Variants in TRPM2 observed in about 807,000 individuals in gnomAD.
TRPM2 encodes transient receptor potential cation channel subfamily M member 2.
Under a neutral mutation model 174.0 loss-of-function variants are expected in TRPM2, and 161 were observed. The ratio of observed to expected loss-of-function variants is 0.93; its 90% confidence interval spans 0.81 to 1.05. The LOEUF (loss-of-function observed/expected upper bound fraction) is 1.05, where lower values mean the gene tolerates loss of function less well. TRPM2 is among the 50% of genes least tolerant of loss of function. The pLI, the probability that TRPM2 is intolerant of heterozygous loss-of-function variation, is 0.00. For missense variants in TRPM2, 2,057 were observed against 2,038.0 expected (o/e 1.01, Z -0.18); for synonymous variants, 954 against 861.3 (o/e 1.11, Z -1.88).
intron 8 of TRPM2, among the ~76,000 whole-genome samples, chr21:44,381,039 T>C (rs555062312): frequency 5.6e-4 from 82 of 147,746 alleles, no homozygotes; most frequent in Non-Finnish European, 1.1e-3. Context: ...GAGGGTGGAG[T>C]TCGCCAGGGA....
chr21:44,368,933 C>CTGGG (rs376640060), intron 4 of TRPM2, among the ~76,000 whole-genome samples: 250 of 152,326 alleles, frequency 1.6e-3, no homozygotes, highest in African/African-American at 5.8e-3. Flanking sequence ...GATCCTGAGA[C>CTGGG]TGGGGCCTGA....
intron 8 of TRPM2, 113 bp from the exon 9 acceptor site, chr21:44,382,605 C>T (rs1034678761): frequency 2.5e-5 from 24 of 948,806 alleles, no homozygotes; most frequent in Non-Finnish European, 3.6e-5. Context: ...TGGCCACAAG[C>T]GCAGGCAGGA....
At chr21:44,355,277 GTC>G (rs45601835) in intron 2 of TRPM2, among the ~76,000 whole-genome samples, 1 of 151,834 alleles carries the variant, frequency 6.6e-6, no homozygotes, top group Admixed American at 6.6e-5. Context: ...CATGGCCACT[GTC>G]TCTGAGTGGC....
chr21:44,396,892 C>G (rs184938165), intron 12 of TRPM2, among the ~76,000 whole-genome samples: 196 of 11,686 alleles, frequency 0.017, no homozygotes, highest in Middle Eastern at 0.029. Flanking sequence ...GTGTGGAGGG[C>G]TGTGGAGGGG....
intron 3 of TRPM2, among the ~76,000 whole-genome samples, chr21:44,364,681 A>G (rs2048308014): frequency 6.7e-6 from 1 of 150,244 alleles, no homozygotes; most frequent in Non-Finnish European, 1.5e-5. Flanking sequence ...GTGGGGAGGG[A>G]GGGAAAAGCT....
At position 44,439,097 on chromosome 21, in the gene TRPM2, C is replaced by T. The variant is rs1447933639; in HGVS notation, c.4198C>T (p.Arg1400Trp). Residue 1400 changes from arginine to tryptophan, a missense_variant, in exon 30 of 32, where the codon CGG becomes TGG. Arg to Trp is a moderately radical substitution (Grantham distance 101). Transcript: ENST00000397928. This position sits in a 1 kb window ranked among gnomAD's most constrained non-coding sequence, Gnocchi z 5.1. ...GSREPGEMLPRKLKRILRQEH... is the reference protein window; with the variant it reads ...GSREPGEMLPWKLKRILRQEH... The stretch of plus-strand genomic sequence containing the variant: ...CCGGGAGCCAGGGGAGATGCTACCT[C>T]GGAAGCTGAAGCGGATCCTCCGGCA... 21 of 1,613,446 alleles carry T rather than the reference C, an allele frequency of 1.3e-5. No homozygotes were observed. Among genetic ancestry groups the T allele is most frequent in the East Asian group, 4.5e-5 (2 of 44,866 alleles).
In TRPM2 at chr21:44,367,112, G is replaced by A. The variant is rs942962419; in HGVS notation, c.604+178G>A. On this transcript the variant is annotated intron_variant, in intron 4 of 31. Transcript: ENST00000397928. This position sits in a 1 kb window ranked among gnomAD's most constrained non-coding sequence, Gnocchi z 4.6. Reference sequence around the variant, plus strand: ...TGGGCACAGCTGCTCCCTGACGCCCGATGCTCCCACTGGCTTGCCTGTGGG... The same window carrying A: ...TGGGCACAGCTGCTCCCTGACGCCCAATGCTCCCACTGGCTTGCCTGTGGG... Among the ~76,000 whole-genome samples the A allele has an allele frequency of 2.0e-5, 3 of 152,152 alleles. No homozygotes were observed. The highest frequency in any genetic ancestry group is 2.9e-5 in the Non-Finnish European group (2 of 68,034).
In TRPM2 at chr21:44,379,041, G is replaced by A. The variant is rs140801878; in HGVS notation, c.1059G>A (p.Val353=). The part of the protein sequence containing the change: ...ATTNGTPCVV[V]EGSGRVADVI... Reference sequence around the variant, plus strand: ...CCAACGGCACCCCCTGTGTGGTTGTGGAGGGCTCGGGCCGCGTGGCCGACG... The same window carrying A: ...CCAACGGCACCCCCTGTGTGGTTGTAGAGGGCTCGGGCCGCGTGGCCGACG... The change falls in exon 8 of 32, where the codon GTG becomes GTA. Residue 353 remains valine, a synonymous_variant. Coordinates refer to ENST00000397928, the MANE Select transcript of TRPM2 (RefSeq NM_003307.4). 3.7e-6 allele frequency: 6 copies of A among 1,610,258 alleles called. No individual in the cohort carries two copies. Among genetic ancestry groups the A allele is most frequent in the Non-Finnish European group, 5.1e-6 (6 of 1,180,012 alleles).
chr21:44,361,398 C>A (rs1057175628), intron 2 of TRPM2, among the ~76,000 whole-genome samples: 7 of 152,328 alleles, frequency 4.6e-5, no homozygotes, highest in Admixed American at 2.6e-4. Flanking sequence ...CAGGTGTGAG[C>A]TACCACACTC....
chr21:44,353,644 A>G lies in TRPM2; in HGVS notation c.-57A>G. ...CTAGAACCCCAGTGTAGCGAGCTGG[A>G]GAGAGGACTGTCCTGAGGGCAGCAG... On this transcript the variant is annotated 5_prime_UTR_variant, in exon 1 of 32. Coordinates refer to ENST00000397928, the MANE Select transcript of TRPM2 (RefSeq NM_003307.4). The G allele has an allele frequency of 1.4e-6, 2 of 1,405,292 alleles. No individual in the cohort carries two copies. Among genetic ancestry groups the G allele is most frequent in the Non-Finnish European group, 1.9e-6 (2 of 1,080,142 alleles). The allele number at this position is 1,405,292 out of a possible 1,614,324, so 87.1% of individuals were successfully genotyped here.
chr21:44,377,647 T>C, intron 6 of TRPM2, 65 bp from the exon 7 acceptor site: 1 of 1,599,362 alleles, frequency 6.3e-7, no homozygotes, highest in South Asian at 1.1e-5. Context: ...TGTTCAGGTG[T>C]GGCCCTCACT....
In TRPM2 at chr21:44,377,770, G is replaced by A; in HGVS notation, c.1011G>A (p.Leu337=). The change falls in exon 7 of 32, where the codon TTG becomes TTA. Residue 337 remains leucine, a synonymous_variant. Coordinates refer to ENST00000397928, the MANE Select transcript of TRPM2 (RefSeq NM_003307.4). ...TGCTGGAGGGCGGCCCGGGCACGTTGCACGTGAGTATGGCCAGGTGGGAGG... is the reference window on the plus strand; with the variant it reads ...TGCTGGAGGGCGGCCCGGGCACGTTACACGTGAGTATGGCCAGGTGGGAGG... ...CVVLEGGPGT[L]HTIDNATTNG... The A allele has an allele frequency of 6.2e-7, 1 of 1,614,140 alleles. No homozygotes were observed. The highest frequency in any genetic ancestry group is 8.5e-7 in the Non-Finnish European group (1 of 1,180,024).
At chr21:44,419,418 G>T (rs1362237219) in intron 22 of TRPM2, among the ~76,000 whole-genome samples, 1 of 151,896 alleles carries the variant, frequency 6.6e-6, no homozygotes, top group Non-Finnish European at 1.5e-5. Flanking sequence ...GAATACAGTG[G>T]GGTCCTGACT....
In TRPM2 at chr21:44,441,894, C is replaced by A; in HGVS notation, c.*77C>A. ...CAGGGCTTCTCTCTCCTGAGCCTGG[C>A]CAGGACTCAGGCTGTTCCTGGGCCC... is the stretch of plus-strand genomic sequence containing the variant. On this transcript the variant is annotated 3_prime_UTR_variant, in exon 32 of 32. Coordinates refer to ENST00000397928, the MANE Select transcript of TRPM2 (RefSeq NM_003307.4). 6.0e-6 allele frequency: 9 copies of A among 1,497,026 alleles called. No individual in the cohort carries two copies. Among genetic ancestry groups the A allele is most frequent in the Non-Finnish European group, 8.0e-6 (9 of 1,122,120 alleles). 92.7% of individuals were successfully genotyped at this position (1,497,026 alleles called of 1,614,324 possible). A position where few individuals can be genotyped will look rare whatever the true frequency, so the allele number is the denominator to read the frequency against.
In TRPM2 at chr21:44,375,844, C is replaced by T. The variant is rs776924024; in HGVS notation, c.783C>T (p.Pro261=). The change falls in exon 6 of 32, where the codon CCC becomes CCT. Residue 261 remains proline (P), a synonymous_variant. Coordinates refer to ENST00000397928, the MANE Select transcript of TRPM2 (RefSeq NM_003307.4). Reference sequence around the variant, plus strand: ...CCTGGCCATCCCAGGGCAGCTTCCCCGCCGAGTACATACTGGATGAGGATG... The same window carrying T: ...CCTGGCCATCCCAGGGCAGCTTCCCTGCCGAGTACATACTGGATGAGGATG... ...EGLIHPTGSF[P]AEYILDEDGQ... is the part of the protein sequence containing the mutation. 17 of 1,611,732 alleles carry T rather than the reference C, an allele frequency of 1.1e-5. No homozygotes were observed. Among genetic ancestry groups the T allele is most frequent in the East Asian group, 4.5e-5 (2 of 44,842 alleles).
At chr21:44,352,319 G>A (rs2047940429), upstream of TRPM2, among the ~76,000 whole-genome samples, 1 of 152,200 alleles carries the variant, frequency 6.6e-6, no homozygotes. Flanking sequence ...TGTGGCCAAG[G>A]GGCAAAGGGG....
At chr21:44,358,902 A>G (rs2048130188) in intron 2 of TRPM2, among the ~76,000 whole-genome samples, 1 of 152,146 alleles carries the variant, frequency 6.6e-6, no homozygotes, top group Non-Finnish European at 1.5e-5. Flanking sequence ...AGTGAGCAGC[A>G]GCAAGATATA....
chr21:44,351,353 C>G (rs2122996916), upstream of TRPM2, among the ~76,000 whole-genome samples: 1 of 152,240 alleles, frequency 6.6e-6, no homozygotes, highest in African/African-American at 2.4e-5. Context: ...GCTGCCCCAA[C>G]CCACACTCCC....
chr21:44,379,318 G>T, intron 8 of TRPM2, 121 bp downstream of exon 8: 2 of 1,200,968 alleles, frequency 1.7e-6, no homozygotes, highest in Non-Finnish European at 2.4e-6. Context: ...CTGAGTGGGT[G>T]CCAGAGCGAT....
Sources: allele counts gnomAD v4.1 joint callset (sites outside exome capture counted in the v4.1 genomes callset), GRCh38; gene constraint gnomAD v4.1.1; non-coding constraint Gnocchi (gnomAD v3.1); transcripts MANE v1.5; gene names NCBI Gene and HGNC (gene_info 2026-07-23, HGNC 2026-07-21).